The following CALD1 variants were observed in gnomAD, a reference collection of about 807,000 sequenced individuals.
CALD1 encodes caldesmon 1.
Under a neutral mutation model 99.9 loss-of-function variants are expected in CALD1, and 33 were observed. The ratio of observed to expected loss-of-function variants is 0.33; its 90% confidence interval spans 0.25 to 0.44. The LOEUF is 0.44. CALD1 is among the 20% of genes least tolerant of loss of function. CALD1 has a pLI of 1.00. For synonymous variants in CALD1, 310 were observed against 325.0 expected, an observed-to-expected ratio of 0.95 and a Z score of 0.50; for missense variants, 861 against 962.1, an observed-to-expected ratio of 0.89 and a Z score of 1.39.
rs1808849398 is a variant in CALD1 at position 134,968,630 on chromosome 7, T to C, written c.*285T>C. ...TCATCATAACTCTGTATCTGAGCAG[T>C]GATACCAACCACATCTGAAGTCAAC... On this transcript the variant is annotated 3_prime_UTR_variant, in exon 15 of 15. Transcript: ENST00000361675. The C allele has an allele frequency of 1.5e-6, 1 of 648,364 alleles. No individual in the cohort carries two copies. Among genetic ancestry groups the C allele is most frequent in the Non-Finnish European group, 2.9e-6 (1 of 349,902 alleles). 40.2% of individuals were successfully genotyped at this position (648,364 alleles called of 1,614,324 possible). A position where few individuals can be genotyped will look rare whatever the true frequency, so the allele number is the denominator to read the frequency against.
rs114273310 is a variant in CALD1 at position 134,968,307 on chromosome 7, G to A, written c.2377-33G>A. 4.1e-4 allele frequency: 654 copies of A among 1,611,354 alleles called. 2 individuals are homozygous for A. The African/African-American group carries it at 8.0e-3, about 20-fold the overall frequency. ...TGCAGGCTGTCAGTTTCACACTACA[G>A]GCTGTCAATTTCAAGTTCTCTTCTC... On this transcript the variant is annotated intron_variant, in intron 14 of 14. Coordinates refer to ENST00000361675, the MANE Select transcript of CALD1 (RefSeq NM_033138.4).
chr7:134,935,595 C>T, intron 5 of CALD1, 93 bp from the exon 6 acceptor site: 3 of 1,508,964 alleles, frequency 2.0e-6, no homozygotes, highest in Non-Finnish European at 2.7e-6. Context: ...TCCCACGCAG[C>T]ACTTGCAAGG....
At chr7:134,913,678 C>T (rs1334514164) in intron 3 of CALD1, among the ~76,000 whole-genome samples, 4 of 125,338 alleles carry the variant, frequency 3.2e-5, no homozygotes, top group Non-Finnish European at 7.5e-5. Flanking sequence ...TCATGGATCA[C>T]CAAACTTTTT....
chr7:134,916,885 T>C lies in CALD1; in HGVS notation c.72-11869T>C, dbSNP rs375595783. ...TAGATCACTCTAAATATAAGACTTA[T>C]CTAAAAGGAGTTCATATTTTTTACA... On this transcript the variant is annotated intron_variant, in intron 3 of 14. Coordinates refer to ENST00000361675, the MANE Select transcript of CALD1 (RefSeq NM_033138.4). 9.8e-5 allele frequency among the ~76,000 whole-genome samples: 15 copies of C among 152,356 alleles called. 2 individuals carry two copies. Among genetic ancestry groups the C allele is most frequent in the Admixed American group, 8.5e-4 (13 of 15,302 alleles).
chr7:134,884,032 G>A (rs1202115687), intron 3 of CALD1, among the ~76,000 whole-genome samples: 1 of 152,008 alleles, frequency 6.6e-6, no homozygotes, highest in Non-Finnish European at 1.5e-5. Context: ...AACCTAGGAA[G>A]CGGAGGTTGC....
At chr7:134,925,338 A>G (rs914829537) in intron 3 of CALD1, among the ~76,000 whole-genome samples, 1 of 152,188 alleles carries the variant, frequency 6.6e-6, no homozygotes, top group African/African-American at 2.4e-5. Flanking sequence ...GTAGGTGAAA[A>G]GAGAAAGATG....
At chr7:134,917,308 T>TTC (rs1804282489) in intron 3 of CALD1, among the ~76,000 whole-genome samples, 1 of 152,186 alleles carries the variant, frequency 6.6e-6, no homozygotes, top group African/African-American at 2.4e-5. Context: ...GACAACATTT[T>TTC]TTAAAAGCCT....
chr7:134,719,402 C>T, the CALD1 span, among the ~76,000 whole-genome samples: 1 of 152,102 alleles, frequency 6.6e-6, no homozygotes. Flanking sequence ...TTATGAGGCT[C>T]GCCAGAGGAA....
intron 3 of CALD1, among the ~76,000 whole-genome samples, chr7:134,913,991 A>T (rs1804020537): frequency 6.6e-6 from 1 of 152,178 alleles, no homozygotes; most frequent in Admixed American, 6.5e-5. Context: ...CTGATTTTGT[A>T]ATTACTTTTA....
intron 3 of CALD1, among the ~76,000 whole-genome samples, chr7:134,871,827 G>T (rs139904635): frequency 1.1e-4 from 17 of 151,996 alleles, no homozygotes; most frequent in Non-Finnish European, 2.5e-4. Flanking sequence ...ACTTTTACCC[G>T]GTGTTATAAC....
At chr7:134,942,379 A>G (rs1425299701) in intron 7 of CALD1, among the ~76,000 whole-genome samples, 1 of 152,078 alleles carries the variant, frequency 6.6e-6, no homozygotes, top group African/African-American at 2.4e-5. Flanking sequence ...GGTTGCCCCA[A>G]AACAATTTTT....
intron 1 of CALD1, among the ~76,000 whole-genome samples, chr7:134,799,118 TAAGTA>T (rs1235895623): frequency 6.6e-6 from 1 of 152,236 alleles, no homozygotes; most frequent in Non-Finnish European, 1.5e-5. Context: ...AAGTTCATTT[TAAGTA>T]GAGTTATGAT....
At chr7:134,891,322 G>A (rs1314428115) in intron 3 of CALD1, 2 of 1,115,042 alleles carry the variant, frequency 1.8e-6, no homozygotes, top group South Asian at 4.5e-5. Flanking sequence ...CTCTCTGATC[G>A]CTAAACATGA....
intron 2 of CALD1, among the ~76,000 whole-genome samples, chr7:134,851,462 A>G (rs1411859257): frequency 6.6e-6 from 1 of 152,220 alleles, no homozygotes; most frequent in Non-Finnish European, 1.5e-5. Context: ...GAATCTGAGC[A>G]AGCACTTGCT....
At chr7:134,861,376 C>T (rs1046520477) in intron 2 of CALD1, among the ~76,000 whole-genome samples, 2 of 152,178 alleles carry the variant, frequency 1.3e-5, no homozygotes, top group African/African-American at 2.4e-5. Context: ...CCAGAAATCA[C>T]CCAATACCTG....
At chr7:134,827,606 G>A (rs1799052955) in intron 1 of CALD1, among the ~76,000 whole-genome samples, 1 of 152,172 alleles carries the variant, frequency 6.6e-6, no homozygotes, top group South Asian at 2.1e-4. Context: ...TCTGGACTTG[G>A]CCAGATGACA....
the CALD1 span, among the ~76,000 whole-genome samples, chr7:134,721,323 C>G: frequency 9.5e-6 from 1 of 105,248 alleles, no homozygotes; most frequent in East Asian, 3.7e-4. Context: ...TGGTTTAAGT[C>G]ATCTGCAAAA....
the CALD1 span, among the ~76,000 whole-genome samples, chr7:134,719,596 G>C: frequency 1.3e-5 from 2 of 152,218 alleles, no homozygotes; most frequent in African/African-American, 2.4e-5. Context: ...CCGGTAGTTT[G>C]CGAGGGGGGA....
At chr7:134,940,021 G>A (rs753840856) in intron 6 of CALD1, among the ~76,000 whole-genome samples, 21 of 152,128 alleles carry the variant, frequency 1.4e-4, no homozygotes, top group Non-Finnish European at 2.5e-4. Context: ...AAGAATAGGT[G>A]AGAAGAGGTG....
Sources: allele counts gnomAD v4.1 joint callset (sites outside exome capture counted in the v4.1 genomes callset), GRCh38; gene constraint gnomAD v4.1.1; transcripts MANE v1.5; gene names NCBI Gene and HGNC (gene_info 2026-07-23, HGNC 2026-07-21).